Variants in LIG4 observed in about 807,000 individuals in gnomAD.
LIG4 encodes DNA ligase 4.
A neutral mutation model predicts 19.0 loss-of-function variants in LIG4; 13 were observed. The ratio of observed to expected loss-of-function variants is 0.68; its 90% CI spans 0.44 to 1.09. The LOEUF is 1.09. Among genes scored for constraint, LIG4 ranks in the 50% least tolerant of loss-of-function variants. The pLI is 0.00. For missense variants in LIG4, 1,026 were observed against 1,089.7 expected, an observed-to-expected ratio of 0.94 and a Z score of 0.82; for synonymous variants, 361 against 358.2, an observed-to-expected ratio of 1.01 and a Z score of -0.09.
Position 108,211,108 on chromosome 13 carries a change from T to C in LIG4, c.161A>G (p.His54Arg), listed in dbSNP as rs759378036. ...GTCTGTGACATCTTTGTGGTTCTTA[T>C]GAAGAGCATCATGAAATTTTCTCCA... ...DSWRKFHDAL[H>R]KNHKDVTDSF... Residue 54 changes from histidine to arginine, a missense_variant, in exon 3 of 3, where the codon CAT (histidine) becomes CGT (arginine). By Grantham distance (29) the His-to-Arg change is conservative. Around this residue, in one of 3 missense-constraint regions of LIG4, gnomAD observed 493 missense variants for 544.5 expected, o/e 0.91. Coordinates refer to ENST00000442234, the MANE Select transcript of LIG4 (RefSeq NM_206937.2). The C allele has an allele frequency of 8.1e-6, 13 of 1,611,012 alleles. No homozygotes were observed. Among genetic ancestry groups the C allele is most frequent in the South Asian group, 5.5e-5 (5 of 90,834 alleles).
intron 2 of LIG4, among the ~76,000 whole-genome samples, chr13:108,213,875 TAGTA>T (rs1262300711): frequency 6.6e-6 from 1 of 152,196 alleles, no homozygotes; most frequent in Non-Finnish European, 1.5e-5. Context: ...CTTTAAAAAG[TAGTA>T]AGTCTTGATA....
At chr13:108,212,556 G>A (rs1368607061) in intron 2 of LIG4, among the ~76,000 whole-genome samples, 1 of 151,998 alleles carries the variant, frequency 6.6e-6, no homozygotes, top group African/African-American at 2.4e-5. Context: ...TTATCCTGTG[G>A]TTTCAGACCC....
At chr13:108,214,647 C>T (rs1179426227) in intron 1 of LIG4, 37 bp from the exon 2 acceptor site, 3 of 152,076 alleles carry the variant, frequency 2.0e-5, no homozygotes, top group Non-Finnish European at 4.4e-5. Context: ...AACATGTACG[C>T]AGGTAAAGCA....
At chr13:108,214,294 G>C (rs1008975452) in intron 2 of LIG4, among the ~76,000 whole-genome samples, 1 of 152,174 alleles carries the variant, frequency 6.6e-6, no homozygotes. Flanking sequence ...GTGACAATTT[G>C]GGACAATCTC....
At chr13:108,218,074 A>G (rs895746658), upstream of LIG4, 1 of 152,198 alleles carries the variant, frequency 6.6e-6, no homozygotes, top group Non-Finnish European at 1.5e-5. Flanking sequence ...GTAAAAGGAG[A>G]AAAATAGTTA....
At position 108,208,666 on chromosome 13, in the gene LIG4, T is replaced by C. The variant is rs758064728; in HGVS notation, c.2603A>G (p.Asp868Gly). 6.2e-7 allele frequency: 1 copy of C among 1,614,136 alleles called. No homozygotes were observed. The highest frequency in any genetic ancestry group is 1.1e-5 in the South Asian group (1 of 91,082). Residue 868 changes from aspartate (D) to glycine (G), a missense_variant, in exon 3 of 3, where the codon GAT becomes GGT. Transcript: ENST00000442234. ...EGVSHVIIGEDHSRVADFKAF... is the reference protein window; with the variant it reads ...EGVSHVIIGEGHSRVADFKAF... ...TTTAAAATCTGCAACACGACTATGA[T>C]CTTCCCCAATTATTACATGAGACAC...
chr13:108,211,832 A>T (rs994321164), intron 2 of LIG4, among the ~76,000 whole-genome samples: 2 of 152,144 alleles, frequency 1.3e-5, no homozygotes, highest in African/African-American at 4.8e-5. Flanking sequence ...AATCATAGGC[A>T]GGGCCCTTGA....
chr13:108,213,616 T>G (rs1878896267), intron 2 of LIG4, among the ~76,000 whole-genome samples: 1 of 152,244 alleles, frequency 6.6e-6, no homozygotes, highest in South Asian at 2.1e-4. Context: ...AATTTTATTT[T>G]TTGGATTCTG....
chr13:108,215,627 C>G (rs1312620141), upstream of LIG4: 3 of 151,178 alleles, frequency 2.0e-5, no homozygotes, highest in African/African-American at 7.3e-5. Flanking sequence ...CAGCCAGGCT[C>G]GCGATGGGAG....
rs1157426701 is a variant in LIG4, at chr13:108,209,167, A to G, written c.2102T>C (p.Ile701Thr). 6.2e-7 allele frequency: 1 copy of G among 1,614,194 alleles called. No homozygotes were observed. Residue 701 changes from isoleucine to threonine, a missense_variant, in exon 3 of 3, where the codon ATT becomes ACT. Physicochemically the swap from Ile to Thr is moderately conservative, Grantham distance 89. Coordinates refer to ENST00000442234, the MANE Select transcript of LIG4 (RefSeq NM_206937.2). ...QNPGPDTYCV[I>T]AGSENIRVKN... ...CACTCTGATGTTCTCAGACCCTGCA[A>G]TTACACAGTACGTGTCTGGGCCTGG...
Position 108,208,604 on chromosome 13 carries a change from G to T in LIG4, c.2665C>A (p.Leu889Ile). 6.2e-7 allele frequency: 1 copy of T among 1,612,922 alleles called. No individual in the cohort carries two copies. The highest frequency in any genetic ancestry group is 8.5e-7 in the Non-Finnish European group (1 of 1,179,410). ...GAATCAGTTACCCAACTTTCTTTTAGGATTTTAAACTTTCTCTTAAAAGTT... is the reference window on the plus strand; with the variant it reads ...GAATCAGTTACCCAACTTTCTTTTATGATTTTAAACTTTCTCTTAAAAGTT... ...RRTFKRKFKI[L>I]KESWVTDSID... The change falls in exon 3 of 3, where the codon CTA (leucine) becomes ATA (isoleucine). Residue 889 changes from leucine to isoleucine, a missense_variant. Physicochemically the swap from Leu to Ile is conservative, Grantham distance 5 (BLOSUM62 2). Around this residue, in one of 3 missense-constraint regions of LIG4, gnomAD observed 521 missense variants for 515.5 expected, o/e 1.01. Coordinates refer to ENST00000442234, the MANE Select transcript of LIG4 (RefSeq NM_206937.2).
At chr13:108,214,253 G>T (rs1878974937) in intron 2 of LIG4, among the ~76,000 whole-genome samples, 1 of 152,166 alleles carries the variant, frequency 6.6e-6, no homozygotes, top group African/African-American at 2.4e-5. Flanking sequence ...GAAACAAAGG[G>T]TTTACAGCTG....
At chr13:108,213,478 A>G (rs1362012913) in intron 2 of LIG4, among the ~76,000 whole-genome samples, 2 of 152,260 alleles carry the variant, frequency 1.3e-5, no homozygotes, top group African/African-American at 4.8e-5. Context: ...GTGGATACAC[A>G]TGTATCCTAA....
upstream of LIG4, among the ~76,000 whole-genome samples, chr13:108,217,488 C>A (rs1879367484): frequency 1.3e-5 from 2 of 152,184 alleles, no homozygotes; most frequent in East Asian, 3.9e-4. Context: ...CCATTGCACT[C>A]CAGCCTGGGA....
rs1338869875 is a variant in LIG4 at position 108,207,770 on chromosome 13, A to G, written c.*763T>C. ...TATTCAATAGATAAAATCTAGGAAA[A>G]TCTTTTTTGTGAATACTATTTATAC... On this transcript the variant is annotated 3_prime_UTR_variant, in exon 3 of 3. Coordinates refer to ENST00000442234, the MANE Select transcript of LIG4 (RefSeq NM_206937.2). The G allele has an allele frequency of 6.6e-6, 1 of 152,200 alleles. No homozygotes were observed. Among genetic ancestry groups the G allele is most frequent in the African/African-American group, 2.4e-5 (1 of 41,456 alleles). 9.4% of individuals were successfully genotyped at this position (152,200 alleles called of 1,614,324 possible).
In LIG4 at chr13:108,210,615, A is replaced by T. The variant is rs1878546003; in HGVS notation, c.654T>A (p.Thr218=). The change falls in exon 3 of 3, where the codon ACT becomes ACA. Residue 218 remains threonine (T), a synonymous_variant. Transcript: ENST00000442234. ...HNDAAELHNV[T]TDLEKVCRQL... ...GCCTACAGACTTTTTCCAGATCTGTAGTGACATTATGCAACTCAGCAGCAT... is the reference window on the plus strand; with the variant it reads ...GCCTACAGACTTTTTCCAGATCTGTTGTGACATTATGCAACTCAGCAGCAT... 1.9e-6 allele frequency: 3 copies of T among 1,613,536 alleles called. No individual in the cohort carries two copies. The South Asian group carries it at 3.3e-5, about 18-fold the overall frequency.
chr13:108,218,207 G>C (rs1278171696), upstream of LIG4: 3 of 152,278 alleles, frequency 2.0e-5, no homozygotes, highest in Non-Finnish European at 4.4e-5. Context: ...CATCGGGTCC[G>C]GCACCTCTTC....
chr13:108,213,114 C>T (rs1878837171), intron 2 of LIG4, among the ~76,000 whole-genome samples: 1 of 152,150 alleles, frequency 6.6e-6, no homozygotes, highest in Admixed American at 6.5e-5. Flanking sequence ...GGGATAAACG[C>T]ATGACAGACC....
chr13:108,210,237 T>C lies in LIG4; in HGVS notation c.1032A>G (p.Gln344=), dbSNP rs769699485. 10 of 1,613,620 alleles carry C rather than the reference T, an allele frequency of 6.2e-6. No homozygotes were observed. Among genetic ancestry groups the C allele is most frequent in the South Asian group, 1.1e-5 (1 of 91,030 alleles). The change falls in exon 3 of 3, where the codon CAA becomes CAG. Residue 344 remains glutamine, a synonymous_variant. Coordinates refer to ENST00000442234, the MANE Select transcript of LIG4 (RefSeq NM_206937.2). ...TTTTAATATCAAACTTAGTTCCCTTTTGCATGAAAGTTTGTGTATTAGGAT... is the reference window on the plus strand; with the variant it reads ...TTTTAATATCAAACTTAGTTCCCTTCTGCATGAAAGTTTGTGTATTAGGAT... ...AYNPNTQTFM[Q]KGTKFDIKRM...
Sources: allele counts gnomAD v4.1 joint callset (sites outside exome capture counted in the v4.1 genomes callset), GRCh38; gene constraint gnomAD v4.1.1; regional missense constraint gnomAD v4.1.1; transcripts MANE v1.5; gene names NCBI Gene and HGNC (gene_info 2026-07-23, HGNC 2026-07-21).